RFC3: variants seen among roughly 807,000 people sequenced by gnomAD.
RFC3 encodes replication factor C subunit 3, also known as A1 38 kDa subunit.
RFC3 carries 41 observed loss-of-function variants against 45.1 expected under a neutral mutation model. The observed-to-expected ratio is 0.91, with a 90% CI of 0.71 to 1.18. The LOEUF is 1.18. Among genes scored for constraint, RFC3 ranks in the 50% most tolerant of loss-of-function variants. The probability of loss-of-function intolerance (pLI) is 0.00; values close to 1 mark genes in which losing one functional copy is unlikely to be tolerated. For missense variants in RFC3, 423 were observed against 428.1 expected, an observed-to-expected ratio of 0.99 and a Z score of 0.10; for synonymous variants, 149 against 144.0, an observed-to-expected ratio of 1.03 and a Z score of -0.25.
chr13:33,898,910 T>C (rs1468729540), intron 8 of RFC3, among the ~76,000 whole-genome samples: 1 of 151,464 alleles, frequency 6.6e-6, no homozygotes, highest in Non-Finnish European at 1.5e-5. Context: ...CCGGAAGAAA[T>C]AAATAAATTC....
chr13:33,892,242 A>G (rs1021644975), intron 8 of RFC3, among the ~76,000 whole-genome samples: 3 of 152,178 alleles, frequency 2.0e-5, no homozygotes, highest in Non-Finnish European at 2.9e-5. Flanking sequence ...AAGCTTAACT[A>G]AGACAAAAAT....
intron 8 of RFC3, among the ~76,000 whole-genome samples, chr13:33,922,713 T>C (rs1032578604): frequency 3.9e-5 from 6 of 152,048 alleles, no homozygotes; most frequent in Admixed American, 6.6e-5. Flanking sequence ...CAGAAACTCA[T>C]TGGAAAGGGC....
chr13:33,856,056 A>G (rs1179074543), intron 8 of RFC3, among the ~76,000 whole-genome samples: 2 of 152,218 alleles, frequency 1.3e-5, no homozygotes, highest in Non-Finnish European at 2.9e-5. Flanking sequence ...TCCTATGTCC[A>G]GAATGACATT....
chr13:33,902,829 C>T (rs1400216115), intron 8 of RFC3, among the ~76,000 whole-genome samples: 1 of 151,794 alleles, frequency 6.6e-6, no homozygotes, highest in Non-Finnish European at 1.5e-5. Flanking sequence ...CAGGGGTGTC[C>T]AGTGTTTTGG....
intron 8 of RFC3, among the ~76,000 whole-genome samples, chr13:33,906,522 ATAGAAT>A (rs1203329757): frequency 6.6e-6 from 1 of 152,050 alleles, no homozygotes; most frequent in Admixed American, 6.6e-5. Context: ...TATTATTTTA[ATAGAAT>A]CAGCCATCAT....
intron 8 of RFC3, among the ~76,000 whole-genome samples, chr13:33,957,524 C>T (rs189409115): frequency 2.0e-4 from 30 of 152,202 alleles, no homozygotes; most frequent in African/African-American, 7.0e-4. Flanking sequence ...GAATATTCTA[C>T]AAATGTGCAG....
chr13:33,881,589 C>T (rs1030439279), intron 8 of RFC3, among the ~76,000 whole-genome samples: 4 of 151,994 alleles, frequency 2.6e-5, no homozygotes, highest in Admixed American at 1.3e-4. Flanking sequence ...AGGATCCGGC[C>T]AGTTGTCTCC....
chr13:33,830,100 G>T (rs552853147), intron 5 of RFC3, 83 bp downstream of exon 5: 5 of 1,267,688 alleles, frequency 3.9e-6, no homozygotes, highest in Non-Finnish European at 5.6e-6. Context: ...GAAGGGAATC[G>T]TATCAGTAAT....
chr13:33,846,314 G>A (rs1336018653), intron 8 of RFC3: 1 of 152,222 alleles, frequency 6.6e-6, no homozygotes, highest in Admixed American at 6.5e-5. Flanking sequence ...TCTTTAGTCA[G>A]CATATTATGA....
chr13:33,821,379 A>ACTACCTGTGGAATTCTT, intron 2 of RFC3, 110 bp downstream of exon 2: 1 of 1,083,638 alleles, frequency 9.2e-7, no homozygotes, highest in Non-Finnish European at 1.4e-6. Flanking sequence ...TTTAAATAAG[A>ACTACCTGTGGAATTCTT]ATTCCACAGG....
rs777884881 is a variant in RFC3 at position 33,831,295 on chromosome 13, T to C, written c.750T>C (p.Asp250=). The C allele has an allele frequency of 2.9e-5, 46 of 1,610,840 alleles. No homozygotes were observed. Among genetic ancestry groups the C allele is most frequent in the East Asian group, 4.5e-5 (2 of 44,880 alleles). ...CAGATCAAGAAATCCCTGAGACAGATTGGGAGGTGTATCTGAGGGAGACTG... is the reference window on the plus strand; with the variant it reads ...CAGATCAAGAAATCCCTGAGACAGACTGGGAGGTGTATCTGAGGGAGACTG... ...FTADQEIPET[D]WEVYLRETAN... The change falls in exon 7 of 9, where the codon GAT becomes GAC. Residue 250 remains aspartate (D), a synonymous_variant. Coordinates refer to ENST00000380071, the MANE Select transcript of RFC3 (RefSeq NM_002915.4).
chr13:33,949,388 C>T (rs1194760101), intron 8 of RFC3, among the ~76,000 whole-genome samples: 1 of 152,162 alleles, frequency 6.6e-6, no homozygotes, highest in Non-Finnish European at 1.5e-5. Flanking sequence ...TTCTTTATAG[C>T]AGCCTAAGAA....
intron 8 of RFC3, among the ~76,000 whole-genome samples, chr13:33,899,905 G>A (rs1311715202): frequency 6.6e-6 from 1 of 151,630 alleles, no homozygotes; most frequent in Non-Finnish European, 1.5e-5. Flanking sequence ...TGAAAAATAA[G>A]TCAAGAAAGA....
intron 7 of RFC3, among the ~76,000 whole-genome samples, chr13:33,833,312 C>T (rs2082121029): frequency 6.6e-6 from 1 of 151,980 alleles, no homozygotes; most frequent in South Asian, 2.1e-4. Context: ...TCAGCTCTTA[C>T]ACCGTGTTAT....
chr13:33,930,017 T>A, intron 8 of RFC3, among the ~76,000 whole-genome samples: 1 of 152,124 alleles, frequency 6.6e-6, no homozygotes, highest in South Asian at 2.1e-4. Context: ...AGTGTTACTG[T>A]TTTTCCTAAT....
intron 8 of RFC3, among the ~76,000 whole-genome samples, chr13:33,965,121 A>G (rs1402221396): frequency 1.3e-5 from 2 of 152,260 alleles, no homozygotes; most frequent in Non-Finnish European, 2.9e-5. Flanking sequence ...TAAGGCATCT[A>G]GTTTAAGATA....
chr13:33,868,149 T>C (rs1302758520), intron 8 of RFC3, among the ~76,000 whole-genome samples: 1 of 152,088 alleles, frequency 6.6e-6, no homozygotes, highest in Non-Finnish European at 1.5e-5. Context: ...GTGAAGAACA[T>C]ATGTGGATAT....
At chr13:33,845,779 C>A (rs1337221166) in intron 8 of RFC3, among the ~76,000 whole-genome samples, 1 of 152,158 alleles carries the variant, frequency 6.6e-6, no homozygotes, top group African/African-American at 2.4e-5. Flanking sequence ...GTCACTGATA[C>A]CTTATGTAGT....
rs926664684 is a variant in RFC3 at position 33,951,039 on chromosome 13, CTTT to C, written c.880-15026_880-15024del. The stretch of plus-strand genomic sequence containing the variant: ...ATGTCTCCAGCCCACTCTGATGGCT[CTTT>C]TTTTTTTTTTTTTTTTTTTTTGGAA... On this transcript the variant is annotated intron_variant, in intron 8 of 8. Coordinates refer to the RFC3 transcript ENST00000434425. 7.1e-4 allele frequency among the ~76,000 whole-genome samples: 43 copies of C among 60,810 alleles called. 1 individual carries two copies. Among genetic ancestry groups the C allele is most frequent in the African/African-American group, 2.7e-3 (41 of 15,450 alleles). 39.9% of individuals were successfully genotyped at this position (60,810 alleles called of 152,430 possible).
Sources: allele counts gnomAD v4.1 joint callset (sites outside exome capture counted in the v4.1 genomes callset), GRCh38; gene constraint gnomAD v4.1.1; transcripts MANE v1.5; gene names NCBI Gene and HGNC (gene_info 2026-07-23, HGNC 2026-07-21).